Variants in PCDH9 observed in about 807,000 individuals in gnomAD.
The protein encoded by PCDH9 is protocadherin-9.
A neutral mutation model predicts 70.6 loss-of-function variants in PCDH9; 24 were observed. The ratio of observed to expected loss-of-function variants is 0.34; its 90% CI spans 0.25 to 0.48. The LOEUF (loss-of-function observed/expected upper bound fraction) is 0.48, where lower values mean the gene tolerates loss of function less well. Ranked by LOEUF, PCDH9 falls within the 20% of genes least tolerant of loss-of-function variation. The probability of loss-of-function intolerance (pLI) is 0.99; values close to 1 mark genes in which losing one functional copy is unlikely to be tolerated. For missense variants in PCDH9, 1,281 were observed against 1,503.6 expected, an observed-to-expected ratio of 0.85 and a Z score of 2.45; for synonymous variants, 562 against 558.5, an observed-to-expected ratio of 1.01 and a Z score of -0.09.
intron 4 of PCDH9, among the ~76,000 whole-genome samples, chr13:66,551,934 T>C (rs1014515234): frequency 2.0e-5 from 3 of 152,166 alleles, no homozygotes; most frequent in Non-Finnish European, 4.4e-5. Context: ...GAGACGTATG[T>C]GATTTTTGTA....
intron 3 of PCDH9, among the ~76,000 whole-genome samples, chr13:66,891,819 T>A (rs1351326955): frequency 2.6e-5 from 4 of 152,000 alleles, no homozygotes; most frequent in Non-Finnish European, 4.4e-5. Context: ...GTATTCCATT[T>A]TTTTTTTGTT....
intron 4 of PCDH9, among the ~76,000 whole-genome samples, chr13:66,357,876 T>A (rs1956410940): frequency 6.6e-6 from 1 of 152,008 alleles, no homozygotes; most frequent in Non-Finnish European, 1.5e-5. Context: ...TCTTGAAATA[T>A]AATCTATATA....
At chr13:66,381,887 T>C (rs1956854475) in intron 4 of PCDH9, among the ~76,000 whole-genome samples, 1 of 152,070 alleles carries the variant, frequency 6.6e-6, no homozygotes, top group Non-Finnish European at 1.5e-5. Context: ...AAGTTGACTC[T>C]AAATGGCTAT....
At chr13:66,972,754 T>G (rs1323247892) in intron 2 of PCDH9, among the ~76,000 whole-genome samples, 1 of 152,034 alleles carries the variant, frequency 6.6e-6, no homozygotes, top group African/African-American at 2.4e-5. Context: ...TCGTCTCCAT[T>G]ACATTGATAC....
intron 2 of PCDH9, among the ~76,000 whole-genome samples, chr13:66,911,856 TG>T (rs1365751600): frequency 6.6e-6 from 1 of 152,134 alleles, no homozygotes; most frequent in Non-Finnish European, 1.5e-5. Context: ...TGAAAAGAAA[TG>T]AAAATAAATA....
intron 3 of PCDH9, among the ~76,000 whole-genome samples, chr13:66,662,546 A>C (rs1249760541): frequency 6.6e-6 from 1 of 152,196 alleles, no homozygotes. Flanking sequence ...CAAACAACTG[A>C]ACATGAACAA....
intron 2 of PCDH9, among the ~76,000 whole-genome samples, chr13:66,909,137 T>C (rs1000307096): frequency 5.3e-5 from 8 of 151,902 alleles, no homozygotes; most frequent in Non-Finnish European, 1.2e-4. Flanking sequence ...TGCACAAAAA[T>C]CAGTAGCATT....
At chr13:66,523,548 A>G (rs1244605444) in intron 4 of PCDH9, among the ~76,000 whole-genome samples, 1 of 151,986 alleles carries the variant, frequency 6.6e-6, no homozygotes, top group African/African-American at 2.4e-5. Flanking sequence ...ACATATATAT[A>G]TATATTCACA....
At chr13:67,201,037 T>G (rs2089198770) in intron 2 of PCDH9, 1 of 152,152 alleles carries the variant, frequency 6.6e-6, no homozygotes, top group African/African-American at 2.4e-5. Flanking sequence ...TCTGAAACTT[T>G]ATTGTGAATT....
chr13:66,520,271 G>T (rs923462746), intron 4 of PCDH9, among the ~76,000 whole-genome samples: 2 of 152,148 alleles, frequency 1.3e-5, no homozygotes, highest in African/African-American at 4.8e-5. Context: ...TGCATACAAT[G>T]ATTTTTTTTC....
intron 3 of PCDH9, among the ~76,000 whole-genome samples, chr13:66,698,844 T>C (rs112743017): frequency 0.019 from 2,937 of 151,936 alleles, 101 homozygotes; most frequent in African/African-American, 0.067. Context: ...GCCTTGGCTT[T>C]CCTAAGTTTT....
chr13:66,792,477 C>A (rs1176686790), intron 3 of PCDH9, among the ~76,000 whole-genome samples: 1 of 151,986 alleles, frequency 6.6e-6, no homozygotes, highest in South Asian at 2.1e-4. Context: ...TGAGACCACC[C>A]CGACCAACAT....
At chr13:66,690,938 A>G (rs1038003646) in intron 3 of PCDH9, among the ~76,000 whole-genome samples, 6 of 152,238 alleles carry the variant, frequency 3.9e-5, no homozygotes, top group Non-Finnish European at 7.3e-5. Flanking sequence ...CCTGAGACAT[A>G]TTGCACTAAA....
At chr13:67,190,531 T>C (rs1023337687) in intron 2 of PCDH9, among the ~76,000 whole-genome samples, 3 of 152,034 alleles carry the variant, frequency 2.0e-5, no homozygotes, top group Non-Finnish European at 4.4e-5. Flanking sequence ...TTGAGGAAGA[T>C]AAACTAGCAA....
intron 3 of PCDH9, among the ~76,000 whole-genome samples, chr13:66,849,872 C>T (rs1320607316): frequency 1.3e-5 from 2 of 152,104 alleles, no homozygotes; most frequent in Admixed American, 6.5e-5. Flanking sequence ...GACCTTGGTG[C>T]TGGCACATTA....
intron 4 of PCDH9, among the ~76,000 whole-genome samples, chr13:66,429,442 T>TTA (rs10665033): frequency 7.3e-5 from 11 of 150,598 alleles, no homozygotes; most frequent in African/African-American, 1.2e-4. Flanking sequence ...TTTTTTTTTT[T>TTA]AATATTTTGC....
Position 66,319,700 on chromosome 13 carries a change from C to T in PCDH9, c.3341-14672G>A, listed in dbSNP as rs548373848. 3.9e-5 allele frequency among the ~76,000 whole-genome samples: 6 copies of T among 152,082 alleles called. No homozygotes were observed. In the South Asian group the frequency reaches 1.2e-3, roughly 32 times the overall value. ...AGATATGCCTAGAACGTTGAAAGAG[C>T]TATGGAGGATTCAAAAGAATCTAGC... On this transcript the variant is annotated intron_variant, in intron 4 of 4. Coordinates refer to ENST00000377865, the MANE Select transcript of PCDH9 (RefSeq NM_203487.3).
chr13:67,138,583 G>A (rs766473309), intron 2 of PCDH9, among the ~76,000 whole-genome samples: 7 of 152,146 alleles, frequency 4.6e-5, no homozygotes, highest in Admixed American at 6.6e-5. Context: ...TACATAGGGC[G>A]TACCCCGAGT....
intron 4 of PCDH9, among the ~76,000 whole-genome samples, chr13:66,315,251 T>C (rs1008065368): frequency 6.6e-6 from 1 of 152,184 alleles, no homozygotes; most frequent in Non-Finnish European, 1.5e-5. Flanking sequence ...ACAGTCTAGC[T>C]CAGCTGACAC....
Sources: allele counts gnomAD v4.1 joint callset (sites outside exome capture counted in the v4.1 genomes callset), GRCh38; gene constraint gnomAD v4.1.1; transcripts MANE v1.5; gene names NCBI Gene and HGNC (gene_info 2026-07-23, HGNC 2026-07-21).